PRPF18: variants seen among roughly 807,000 people sequenced by gnomAD.
The protein encoded by PRPF18 is pre-mRNA-splicing factor 18.
Under a neutral mutation model 46.5 loss-of-function variants are expected in PRPF18, and 38 were observed. That is an observed-to-expected ratio of 0.82 (90% CI 0.63 to 1.07). PRPF18 has a LOEUF of 1.07. Among genes scored for constraint, PRPF18 ranks in the 50% least tolerant of loss-of-function variants. The pLI, the probability that PRPF18 is intolerant of heterozygous loss-of-function variation, is 0.00. For synonymous variants in PRPF18, 152 were observed against 146.7 expected (o/e 1.04, Z -0.26); for missense variants, 263 against 410.0 (o/e 0.64, Z 3.10).
At chr10:13,645,933 A>G in the PRPF18 span, 1 of 152,638 alleles carries the variant, frequency 6.6e-6, no homozygotes, top group African/African-American at 2.4e-5. Flanking sequence ...GTTTAATGAG[A>G]GAGAACCACT....
the PRPF18 span, chr10:13,652,182 G>A: frequency 1.7e-6 from 1 of 591,242 alleles, no homozygotes. Context: ...GGAGGGACGG[G>A]CCCTCTTTTA....
At chr10:13,597,740 C>T (rs2080055946) in intron 2 of PRPF18, 3 of 1,379,644 alleles carry the variant, frequency 2.2e-6, no homozygotes, top group Non-Finnish European at 3.0e-6. Flanking sequence ...TGACTTTTGG[C>T]TTGGAATGGT....
chr10:13,613,690 A>AC, intron 6 of PRPF18, 51 bp from the exon 7 acceptor site: 2 of 1,574,028 alleles, frequency 1.3e-6, no homozygotes, highest in Non-Finnish European at 8.6e-7. Context: ...ATTTAGATGT[A>AC]CTGAACCACT....
At chr10:13,633,803 T>C (rs532007288), downstream of PRPF18, among the ~76,000 whole-genome samples, 23 of 152,270 alleles carry the variant, frequency 1.5e-4, no homozygotes, top group Admixed American at 3.3e-4. Context: ...TATGGTGTCA[T>C]ATTGGGAGTC....
At chr10:13,592,099 C>T (rs574953586) in intron 1 of PRPF18, 79 of 581,356 alleles carry the variant, frequency 1.4e-4, no homozygotes, top group African/African-American at 1.2e-3. Context: ...TCGTACTTAG[C>T]GGCTGAGTAC....
At chr10:13,613,344 A>T (rs2080298379) in intron 6 of PRPF18, among the ~76,000 whole-genome samples, 1 of 152,082 alleles carries the variant, frequency 6.6e-6, no homozygotes, top group African/African-American at 2.4e-5. Context: ...TGGTTTTTAA[A>T]CTTAATCATG....
the PRPF18 span, chr10:13,651,031 T>A: frequency 6.6e-6 from 1 of 152,270 alleles, no homozygotes; most frequent in African/African-American, 2.4e-5. Context: ...TTTCAAGCCC[T>A]TGTGTCCCAG....
the PRPF18 span, chr10:13,636,979 T>G: frequency 6.6e-6 from 1 of 152,260 alleles, no homozygotes; most frequent in Admixed American, 6.5e-5. Context: ...CAGTATGTGC[T>G]TGACTTCTTT....
At chr10:13,623,072 G>T (rs1212239611) in intron 9 of PRPF18, among the ~76,000 whole-genome samples, 1 of 151,954 alleles carries the variant, frequency 6.6e-6, no homozygotes, top group African/African-American at 2.4e-5. Flanking sequence ...GTGGTGGCAG[G>T]CGCCTGTAGT....
chr10:13,652,313 A>G, the PRPF18 span: 1 of 350,872 alleles, frequency 2.9e-6, no homozygotes, highest in Non-Finnish European at 5.4e-6. Flanking sequence ...GCAGGTTTCA[A>G]GACCATCTTA....
chr10:13,605,406 A>G (rs1432819206), intron 3 of PRPF18, among the ~76,000 whole-genome samples: 1 of 151,904 alleles, frequency 6.6e-6, no homozygotes, highest in Non-Finnish European at 1.5e-5. Context: ...ACATGGTGAA[A>G]CCCCATCTCT....
chr10:13,616,368 T>G, intron 8 of PRPF18, 30 bp from the exon 9 acceptor site: 1 of 1,576,330 alleles, frequency 6.3e-7, no homozygotes. Context: ...ATTTTCGCCT[T>G]TCTGATTTCT....
At chr10:13,633,166 A>G (rs2080605409), downstream of PRPF18, among the ~76,000 whole-genome samples, 1 of 152,206 alleles carries the variant, frequency 6.6e-6, no homozygotes, top group Non-Finnish European at 1.5e-5. Flanking sequence ...GTGGAAAGAG[A>G]CAAAGGACAG....
intron 1 of PRPF18, among the ~76,000 whole-genome samples, chr10:13,588,072 C>G (rs189560337): frequency 6.6e-6 from 1 of 152,130 alleles, no homozygotes; most frequent in Non-Finnish European, 1.5e-5. Flanking sequence ...CCCAGTGCTC[C>G]TGAGAGTTCC....
At chr10:13,654,566 T>A in the PRPF18 span, 32 of 1,181,884 alleles carry the variant, frequency 2.7e-5, no homozygotes, top group Middle Eastern at 3.9e-4. Flanking sequence ...CAGACACAGG[T>A]GAAAGAGCTT....
chr10:13,591,775 C>T (rs758840990), intron 1 of PRPF18: 52 of 1,398,726 alleles, frequency 3.7e-5, no homozygotes, highest in South Asian at 3.3e-4. Context: ...TAGAGGAACT[C>T]GATTGAGGAC....
At chr10:13,596,056 A>G (rs1054218617) in intron 1 of PRPF18, among the ~76,000 whole-genome samples, 4 of 152,176 alleles carry the variant, frequency 2.6e-5, no homozygotes, top group Non-Finnish European at 4.4e-5. Flanking sequence ...TTGCTTTTAC[A>G]GTTGGTTTTT....
intron 9 of PRPF18, among the ~76,000 whole-genome samples, chr10:13,625,172 A>C (rs2080483021): frequency 6.6e-6 from 1 of 152,086 alleles, no homozygotes; most frequent in African/African-American, 2.4e-5. Context: ...TCTACAAAAA[A>C]TAAAAAATTT....
intron 1 of PRPF18, among the ~76,000 whole-genome samples, chr10:13,587,749 G>A (rs929672322): frequency 6.6e-6 from 1 of 152,252 alleles, no homozygotes; most frequent in Non-Finnish European, 1.5e-5. Flanking sequence ...CGAGCCGCTT[G>A]CTCGGGCCCA....
Sources: allele counts gnomAD v4.1 joint callset (sites outside exome capture counted in the v4.1 genomes callset), GRCh38; gene constraint gnomAD v4.1.1; transcripts MANE v1.5; gene names NCBI Gene and HGNC (gene_info 2026-07-23, HGNC 2026-07-21).